SMYD3: variants seen among roughly 807,000 people sequenced by gnomAD.
SMYD3 encodes SET and MYND domain containing 3.
A neutral mutation model predicts 57.7 loss-of-function variants in SMYD3; 36 were observed. The observed-to-expected ratio is 0.62, with a 90% CI of 0.48 to 0.82. SMYD3 has a LOEUF of 0.82. Among genes scored for constraint, SMYD3 ranks in the 40% least tolerant of loss-of-function variants. The pLI is 0.00. For synonymous variants in SMYD3, 211 were observed against 195.0 expected, an observed-to-expected ratio of 1.08 and a Z score of -0.68; for missense variants, 515 against 538.8, an observed-to-expected ratio of 0.96 and a Z score of 0.44.
chr1:246,050,682 G>A (rs1451014115), intron 5 of SMYD3, among the ~76,000 whole-genome samples: 6 of 152,086 alleles, frequency 3.9e-5, no homozygotes, highest in Non-Finnish European at 7.4e-5. Flanking sequence ...TGAGACTGCC[G>A]GAAGATTTTT....
At chr1:246,036,544 T>TTC (rs1209096395) in intron 5 of SMYD3, among the ~76,000 whole-genome samples, 1 of 60,432 alleles carries the variant, frequency 1.7e-5, no homozygotes. Context: ...TCTCTCTTTT[T>TTC]TTTTTTTTTG....
intron 5 of SMYD3, among the ~76,000 whole-genome samples, chr1:246,201,881 C>T (rs1338851038): frequency 2.0e-5 from 3 of 151,970 alleles, no homozygotes; most frequent in African/African-American, 7.3e-5. Context: ...GGCGTGGTGG[C>T]TCATGCCTAT....
chr1:246,261,441 TTTA>T (rs1009088243), intron 5 of SMYD3, among the ~76,000 whole-genome samples: 1 of 151,916 alleles, frequency 6.6e-6, no homozygotes, highest in Non-Finnish European at 1.5e-5. Context: ...TTAGAAAACT[TTTA>T]TTTTCTTAAA....
At chr1:246,273,172 C>A (rs1227449199) in intron 5 of SMYD3, among the ~76,000 whole-genome samples, 1 of 90,932 alleles carries the variant, frequency 1.1e-5, no homozygotes, top group Non-Finnish European at 2.0e-5. Context: ...GGGGGGGGGA[C>A]AGAGTCTTGC....
At chr1:246,142,193 C>CT (rs2061768184) in intron 5 of SMYD3, among the ~76,000 whole-genome samples, 1 of 152,130 alleles carries the variant, frequency 6.6e-6, no homozygotes, top group Admixed American at 6.5e-5. Flanking sequence ...ATACTCTATG[C>CT]TTTTTCTTAT....
chr1:245,876,855 G>A (rs566362222), intron 8 of SMYD3, among the ~76,000 whole-genome samples: 1 of 152,292 alleles, frequency 6.6e-6, no homozygotes, highest in African/African-American at 2.4e-5. Context: ...GGAGCATAGA[G>A]GCAGAGCCCT....
intron 8 of SMYD3, among the ~76,000 whole-genome samples, chr1:245,888,902 C>T (rs1475172490): frequency 6.6e-6 from 1 of 152,184 alleles, no homozygotes; most frequent in Non-Finnish European, 1.5e-5. Flanking sequence ...CACATTTGGT[C>T]ACCTACCATC....
At chr1:245,931,495 G>C (rs183199529) in intron 5 of SMYD3, among the ~76,000 whole-genome samples, 3 of 152,298 alleles carry the variant, frequency 2.0e-5, no homozygotes, top group Admixed American at 6.5e-5. Flanking sequence ...AGGGAGTTGA[G>C]AGCAAGTCCA....
chr1:246,393,293 A>G (rs923724210), intron 1 of SMYD3, among the ~76,000 whole-genome samples: 17 of 152,230 alleles, frequency 1.1e-4, no homozygotes, highest in African/African-American at 4.1e-4. Context: ...AACTTAAAAA[A>G]TGTTTAAGCT....
chr1:245,886,171 G>A (rs2053076613), intron 8 of SMYD3, among the ~76,000 whole-genome samples: 1 of 152,154 alleles, frequency 6.6e-6, no homozygotes, highest in South Asian at 2.1e-4. Flanking sequence ...GGAGTTTAAT[G>A]ACAAATGTGG....
At chr1:246,334,112 T>C (rs932929120) in intron 3 of SMYD3, among the ~76,000 whole-genome samples, 3 of 152,126 alleles carry the variant, frequency 2.0e-5, no homozygotes, top group African/African-American at 7.2e-5. Flanking sequence ...AACACTTATC[T>C]ACTGTTAGTG....
chr1:245,917,709 T>C lies in SMYD3; in HGVS notation c.703-2069A>G, dbSNP rs543068486. Among the ~76,000 whole-genome samples, 4 of 152,342 alleles carry C rather than the reference T, an allele frequency of 2.6e-5. No individual in the cohort carries two copies. In the South Asian group the frequency reaches 8.3e-4, roughly 32 times the overall value. On this transcript the variant is annotated intron_variant, in intron 7 of 11. Coordinates refer to ENST00000490107, the MANE Select transcript of SMYD3 (RefSeq NM_001167740.2). ...TTACCTGCTCTAGTTTTTCTTTTCC[T>C]GTATCATATATCAGCTTGTACCAGA...
At chr1:246,194,717 C>T (rs1372861729) in intron 5 of SMYD3, among the ~76,000 whole-genome samples, 1 of 152,196 alleles carries the variant, frequency 6.6e-6, no homozygotes, top group Non-Finnish European at 1.5e-5. Context: ...TTCAATTCCT[C>T]AGTCACATTC....
intron 1 of SMYD3, among the ~76,000 whole-genome samples, chr1:246,500,625 C>A (rs755885949): frequency 6.6e-6 from 1 of 152,224 alleles, no homozygotes; most frequent in Non-Finnish European, 1.5e-5. Context: ...ACTGGGCACT[C>A]TGTACCAGCA....
intron 5 of SMYD3, among the ~76,000 whole-genome samples, chr1:246,065,016 T>C (rs1454925693): frequency 6.6e-6 from 1 of 152,234 alleles, no homozygotes; most frequent in Non-Finnish European, 1.5e-5. Context: ...TTTGTGTGTG[T>C]GCATGGTTTT....
At chr1:246,228,878 A>T (rs542638390) in intron 5 of SMYD3, among the ~76,000 whole-genome samples, 1 of 152,110 alleles carries the variant, frequency 6.6e-6, no homozygotes, top group Admixed American at 6.5e-5. Flanking sequence ...AGTTCCCATG[A>T]TCTTTGAGAC....
rs967062319 is a variant in SMYD3, at chr1:245,903,672, G to A, written c.813+11858C>T. Among the ~76,000 whole-genome samples the A allele has an allele frequency of 9.9e-5, 15 of 152,200 alleles. 1 individual carries two copies. Among genetic ancestry groups the A allele is most frequent in the African/African-American group, 3.4e-4 (14 of 41,458 alleles). On this transcript the variant is annotated intron_variant, in intron 8 of 11. Transcript: ENST00000490107. ...GTGACAAGAGCATCTCTGGGTGCTA[G>A]GGAAGGGATGATATAGTTTGGCTCC...
chr1:246,405,206 C>A (rs913140794), intron 1 of SMYD3, among the ~76,000 whole-genome samples: 5 of 152,156 alleles, frequency 3.3e-5, no homozygotes, highest in African/African-American at 9.7e-5. Context: ...CTCATTTCAG[C>A]CTCCCAAAGT....
intron 5 of SMYD3, among the ~76,000 whole-genome samples, chr1:246,303,259 TG>T (rs1447771303): frequency 1.3e-5 from 2 of 152,170 alleles, no homozygotes; most frequent in Non-Finnish European, 2.9e-5. Flanking sequence ...TTATTGTGGT[TG>T]GCAGAATTTT....
Sources: allele counts gnomAD v4.1 joint callset (sites outside exome capture counted in the v4.1 genomes callset), GRCh38; gene constraint gnomAD v4.1.1; transcripts MANE v1.5; gene names NCBI Gene and HGNC (gene_info 2026-07-23, HGNC 2026-07-21).